The following DCHS2 variants were observed in gnomAD, a reference collection of about 807,000 sequenced individuals.
DCHS2 encodes the protein dachsous cadherin-related 2.
In DCHS2, 142 loss-of-function variants were observed where a neutral mutation model predicts 182.4. The observed-to-expected ratio is 0.78, with a 90% CI of 0.68 to 0.89. The LOEUF is 0.89. Among genes scored for constraint, DCHS2 ranks in the 40% least tolerant of loss-of-function variants. The probability of loss-of-function intolerance (pLI) is 0.00; values close to 1 mark genes in which losing one functional copy is unlikely to be tolerated. For missense variants in DCHS2, 4,319 were observed against 4,198.6 expected, an observed-to-expected ratio of 1.03 and a Z score of -0.79; for synonymous variants, 1,740 against 1,663.3, an observed-to-expected ratio of 1.05 and a Z score of -1.12.
chr4:154,329,429 C>T, intron 6 of DCHS2, 94 bp downstream of exon 6: 1 of 1,252,316 alleles, frequency 8.0e-7, no homozygotes, highest in Non-Finnish European at 1.1e-6. Context: ...CACACCAAGA[C>T]TGATGTGATA....
chr4:154,253,977 G>GGAAA (rs1270288880), intron 16 of DCHS2, among the ~76,000 whole-genome samples: 2 of 152,196 alleles, frequency 1.3e-5, no homozygotes, highest in African/African-American at 4.8e-5. Flanking sequence ...GCTCTACAGT[G>GGAAA]GAAAGACTGT....
At chr4:154,441,298 C>G (rs1009470465) in intron 1 of DCHS2, among the ~76,000 whole-genome samples, 11 of 152,136 alleles carry the variant, frequency 7.2e-5, no homozygotes, top group African/African-American at 2.7e-4. Flanking sequence ...CCTGTTGAGT[C>G]TTTGAGAGCA....
intron 16 of DCHS2, among the ~76,000 whole-genome samples, chr4:154,253,190 A>T (rs549283405): frequency 0.079 from 11,771 of 148,402 alleles, 1,454 homozygotes; most frequent in African/African-American, 0.27. Context: ...AGAGAGAGAG[A>T]GAGTGTGTGT....
intron 1 of DCHS2, among the ~76,000 whole-genome samples, chr4:154,450,325 G>T (rs1734481965): frequency 6.6e-6 from 1 of 152,216 alleles, no homozygotes; most frequent in South Asian, 2.1e-4. Flanking sequence ...GTACTGGAGG[G>T]AGTTTCAGGT....
chr4:154,294,073 A>C (rs1489620603), intron 13 of DCHS2, among the ~76,000 whole-genome samples: 13 of 152,172 alleles, frequency 8.5e-5, no homozygotes, highest in African/African-American at 2.7e-4. Context: ...ACTAGGAGCA[A>C]ATATCCTCTA....
chr4:154,348,556 G>A (rs1415182607), intron 3 of DCHS2, among the ~76,000 whole-genome samples: 1 of 151,918 alleles, frequency 6.6e-6, no homozygotes, highest in Non-Finnish European at 1.5e-5. Flanking sequence ...GATCTCAAGA[G>A]GAAATTATCC....
At chr4:154,474,160 C>T (rs979829032) in intron 1 of DCHS2, among the ~76,000 whole-genome samples, 3 of 152,178 alleles carry the variant, frequency 2.0e-5, no homozygotes, top group South Asian at 2.1e-4. Context: ...TCCCCTGTCT[C>T]GAACTTCCCT....
intron 14 of DCHS2, among the ~76,000 whole-genome samples, chr4:154,266,040 C>T (rs561797866): frequency 1.2e-4 from 18 of 152,252 alleles, no homozygotes; most frequent in Non-Finnish European, 2.1e-4. Context: ...GTAAAAGTTA[C>T]GTGAATGTGG....
chr4:154,428,092 CTG>C (rs1733404988), intron 1 of DCHS2, among the ~76,000 whole-genome samples: 1 of 152,070 alleles, frequency 6.6e-6, no homozygotes, highest in Admixed American at 6.5e-5. Context: ...AGTCATAGAA[CTG>C]GAGCTGAGCT....
At chr4:154,257,756 G>A (rs554472867) in intron 15 of DCHS2, among the ~76,000 whole-genome samples, 173 of 152,326 alleles carry the variant, frequency 1.1e-3, no homozygotes, top group African/African-American at 3.9e-3. Context: ...ACAGGACACA[G>A]CAGAATGGTA....
At chr4:154,271,660 T>C (rs984959656) in intron 13 of DCHS2, among the ~76,000 whole-genome samples, 7 of 152,168 alleles carry the variant, frequency 4.6e-5, no homozygotes, top group Admixed American at 2.6e-4. Context: ...CTTGTAATAT[T>C]TTATGTCCTT....
intron 7 of DCHS2, chr4:154,323,288 G>C: frequency 1.9e-6 from 3 of 1,548,442 alleles, no homozygotes; most frequent in Non-Finnish European, 2.6e-6. Context: ...TTGCACGACT[G>C]CTTCCCAAAT....
intron 1 of DCHS2, among the ~76,000 whole-genome samples, chr4:154,487,448 G>A (rs1728626670): frequency 6.6e-6 from 1 of 152,128 alleles, no homozygotes; most frequent in Non-Finnish European, 1.5e-5. Flanking sequence ...AATATACTTT[G>A]ACAGTGTTAG....
At chr4:154,348,236 C>A (rs4696207) in intron 3 of DCHS2, among the ~76,000 whole-genome samples, 47,725 of 151,620 alleles carry the variant, frequency 0.31, 9,205 homozygotes, top group Non-Finnish European at 0.43. Flanking sequence ...CTATTTACAC[C>A]AATGCACCAC....
intron 12 of DCHS2, among the ~76,000 whole-genome samples, chr4:154,304,151 G>A (rs1735335042): frequency 6.6e-6 from 1 of 151,534 alleles, no homozygotes; most frequent in East Asian, 1.9e-4. Context: ...GCTAAAGACA[G>A]AGACTGGATG....
chr4:154,300,523 A>AAG (rs1287421120), intron 12 of DCHS2, among the ~76,000 whole-genome samples: 2 of 151,312 alleles, frequency 1.3e-5, no homozygotes, highest in African/African-American at 4.9e-5. Context: ...AAAAAAAAAA[A>AAG]AAAAAGTTTT....
intron 16 of DCHS2, 63 bp downstream of exon 16, chr4:154,255,456 C>G: frequency 6.5e-7 from 1 of 1,540,318 alleles, no homozygotes; most frequent in South Asian, 1.3e-5. Flanking sequence ...ATGAACAAAA[C>G]AGCAATGTTG....
At chr4:154,264,118 T>C (rs1048240714) in intron 14 of DCHS2, among the ~76,000 whole-genome samples, 6 of 152,188 alleles carry the variant, frequency 3.9e-5, no homozygotes, top group African/African-American at 1.4e-4. Context: ...TCCAGGTGAA[T>C]TGCAGAAAAG....
At chr4:154,377,123 G>C in intron 2 of DCHS2, 130 bp downstream of exon 2, 1 of 842,982 alleles carries the variant, frequency 1.2e-6, no homozygotes, top group Admixed American at 3.1e-5. Context: ...AAAAACTTCA[G>C]CAAAGGAAAG....
Sources: gnomAD v4.1 joint callset for allele counts (sites outside exome capture counted in the v4.1 genomes callset) on GRCh38, gnomAD v4.1.1 for gene constraint, MANE v1.5 for transcripts, NCBI Gene and HGNC (gene_info 2026-07-23, HGNC 2026-07-21) for gene names.